The following AKAP7 variants were observed in gnomAD, a reference collection of about 807,000 sequenced individuals.
AKAP7 encodes the protein A kinase (PRKA) anchor protein 7.
In AKAP7, 39 loss-of-function variants were observed where a neutral mutation model predicts 39.5. The observed-to-expected ratio is 0.99, with a 90% CI of 0.76 to 1.29. The LOEUF (loss-of-function observed/expected upper bound fraction) is 1.29, where lower values mean the gene tolerates loss of function less well. AKAP7 is among the 50% of genes most tolerant of loss of function. The pLI is 0.00. For synonymous variants in AKAP7, 140 were observed against 139.1 expected, an observed-to-expected ratio of 1.01 and a Z score of -0.05; for missense variants, 414 against 407.7, an observed-to-expected ratio of 1.02 and a Z score of -0.13.
chr6:131,162,844 C>T (rs549386010), intron 3 of AKAP7, among the ~76,000 whole-genome samples: 5 of 152,284 alleles, frequency 3.3e-5, no homozygotes, highest in African/African-American at 1.2e-4. Flanking sequence ...CTTTCCTTGC[C>T]CCATTCCTGT....
At chr6:131,185,762 C>A (rs1428409836) in intron 5 of AKAP7, among the ~76,000 whole-genome samples, 1 of 152,180 alleles carries the variant, frequency 6.6e-6, no homozygotes, top group Admixed American at 6.5e-5. Context: ...TTCTCCCACT[C>A]CATAGGTGGC....
chr6:131,214,843 A>C (rs1193626160), intron 6 of AKAP7, among the ~76,000 whole-genome samples: 6 of 152,200 alleles, frequency 3.9e-5, no homozygotes, highest in Admixed American at 3.9e-4. Context: ...TTTTAAAGTA[A>C]ATAATGGAGG....
intron 5 of AKAP7, among the ~76,000 whole-genome samples, chr6:131,194,055 A>G (rs548352122): frequency 5.9e-5 from 9 of 151,762 alleles, no homozygotes; most frequent in Non-Finnish European, 8.8e-5. Context: ...CTGCTCTGAT[A>G]TTTATTATCT....
chr6:131,190,965 T>G (rs2128271888), intron 5 of AKAP7, among the ~76,000 whole-genome samples: 1 of 152,354 alleles, frequency 6.6e-6, no homozygotes, highest in South Asian at 2.1e-4. Flanking sequence ...CTTCAGCAGA[T>G]ACTGTGCTTG....
At chr6:131,209,333 T>C (rs1808429796) in intron 6 of AKAP7, among the ~76,000 whole-genome samples, 2 of 152,024 alleles carry the variant, frequency 1.3e-5, no homozygotes, top group Admixed American at 6.6e-5. Flanking sequence ...TCATTACAAG[T>C]TCTGCCTCCT....
intron 1 of AKAP7, among the ~76,000 whole-genome samples, chr6:131,139,343 A>G (rs1226931719): frequency 6.6e-6 from 1 of 152,136 alleles, no homozygotes; most frequent in Non-Finnish European, 1.5e-5. Flanking sequence ...TTAAGAGAAG[A>G]TAGTTGTTTG....
chr6:131,126,527 T>G, the AKAP7 span, among the ~76,000 whole-genome samples: 3 of 152,170 alleles, frequency 2.0e-5, no homozygotes, highest in African/African-American at 2.4e-5. Flanking sequence ...TCTTTAAGAT[T>G]AGGTTCAATC....
At chr6:131,230,797 T>G (rs1415749155) in intron 7 of AKAP7, among the ~76,000 whole-genome samples, 1 of 152,184 alleles carries the variant, frequency 6.6e-6, no homozygotes, top group Admixed American at 6.5e-5. Flanking sequence ...AAAAAGTTCC[T>G]TGGTATGTTT....
intron 5 of AKAP7, among the ~76,000 whole-genome samples, chr6:131,180,130 G>A (rs773948274): frequency 1.3e-5 from 2 of 152,194 alleles, no homozygotes; most frequent in African/African-American, 2.4e-5. Context: ...ATGGCACTGA[G>A]GCTGGGATCT....
chr6:131,127,313 G>A, the AKAP7 span, among the ~76,000 whole-genome samples: 76 of 152,240 alleles, frequency 5.0e-4, 2 homozygotes, highest in Admixed American at 5.0e-3. Flanking sequence ...GGGATTACAT[G>A]CCTAAGCCAC....
At chr6:131,227,753 G>A (rs1286354119) in intron 7 of AKAP7, among the ~76,000 whole-genome samples, 1 of 152,136 alleles carries the variant, frequency 6.6e-6, no homozygotes, top group Non-Finnish European at 1.5e-5. Context: ...CCAGAACAAC[G>A]GGATAGCCTG....
chr6:131,126,845 T>C, the AKAP7 span, among the ~76,000 whole-genome samples: 1 of 152,120 alleles, frequency 6.6e-6, no homozygotes. Context: ...ATTTAATGGC[T>C]AAGTGGCTGC....
chr6:131,265,617 G>A (rs1813721679), intron 7 of AKAP7, among the ~76,000 whole-genome samples: 1 of 152,000 alleles, frequency 6.6e-6, no homozygotes, highest in Admixed American at 6.6e-5. Flanking sequence ...AATAGTTTCT[G>A]GTTAGCAGTC....
At chr6:131,179,722 T>C (rs1458659485) in intron 5 of AKAP7, among the ~76,000 whole-genome samples, 1 of 152,030 alleles carries the variant, frequency 6.6e-6, no homozygotes, top group Admixed American at 6.6e-5. Flanking sequence ...AGAAAAAAAT[T>C]ACCTTGGCAT....
At chr6:131,234,300 A>G (rs1810857576) in intron 7 of AKAP7, among the ~76,000 whole-genome samples, 1 of 152,220 alleles carries the variant, frequency 6.6e-6, no homozygotes, top group African/African-American at 2.4e-5. Context: ...CCGTGCTCTC[A>G]GAGTTTACTT....
intron 7 of AKAP7, among the ~76,000 whole-genome samples, chr6:131,256,708 C>CATTATTATTATT (rs3836928): frequency 0.072 from 10,758 of 148,398 alleles, 564 homozygotes; most frequent in Admixed American, 0.16. Context: ...CTTCCTGGGA[C>CATTATTATTATT]ATTATTATTA....
chr6:131,157,180 TG>T (rs1239146102), intron 2 of AKAP7, among the ~76,000 whole-genome samples: 1 of 152,254 alleles, frequency 6.6e-6, no homozygotes, highest in Non-Finnish European at 1.5e-5. Context: ...GTGTTTACTT[TG>T]TACCAGGAAG....
chr6:131,267,997 T>A (rs1409147492), intron 7 of AKAP7, among the ~76,000 whole-genome samples: 2 of 151,748 alleles, frequency 1.3e-5, no homozygotes, highest in Non-Finnish European at 2.9e-5. Context: ...GATGAAAGCA[T>A]GGGAAGGAAG....
At chr6:131,152,473 C>T (rs1018737237) in intron 2 of AKAP7, among the ~76,000 whole-genome samples, 22 of 152,168 alleles carry the variant, frequency 1.4e-4, no homozygotes, top group Non-Finnish European at 2.9e-4. Flanking sequence ...GGATTTTATA[C>T]TTTGACCATA....
Sources: gnomAD v4.1 joint callset for allele counts (sites outside exome capture counted in the v4.1 genomes callset) on GRCh38, gnomAD v4.1.1 for gene constraint, MANE v1.5 for transcripts, NCBI Gene and HGNC (gene_info 2026-07-23, HGNC 2026-07-21) for gene names.